The following ADGRL3 variants were observed in gnomAD, a reference collection of about 807,000 sequenced individuals.
ADGRL3 encodes calcium-independent alpha-latrotoxin receptor 3.
ADGRL3 carries 62 observed loss-of-function variants against 153.5 expected under a neutral mutation model. That is an observed-to-expected ratio of 0.40 (90% CI 0.33 to 0.50). ADGRL3 has a LOEUF of 0.50. Among genes scored for constraint, ADGRL3 ranks in the 20% least tolerant of loss-of-function variants. ADGRL3 has a pLI of 0.47. For missense variants in ADGRL3, 1,641 were observed against 1,859.4 expected (o/e 0.88, Z 2.16); for synonymous variants, 710 against 672.5 (o/e 1.06, Z -0.86).
At chr4:61,887,031 A>T (rs191977424) in intron 9 of ADGRL3, among the ~76,000 whole-genome samples, 2,255 of 149,932 alleles carry the variant, frequency 0.015, 50 homozygotes, top group African/African-American at 0.053. Flanking sequence ...TTATTTATTT[A>T]TTTTTTTATT....
intron 4 of ADGRL3, among the ~76,000 whole-genome samples, chr4:61,574,159 C>A (rs1450968310): frequency 6.6e-6 from 1 of 152,040 alleles, no homozygotes; most frequent in Admixed American, 6.6e-5. Flanking sequence ...AAGAGTGCAA[C>A]TCCATCAGAC....
At chr4:61,994,892 A>C (rs2099116437) in intron 19 of ADGRL3, among the ~76,000 whole-genome samples, 2 of 150,898 alleles carry the variant, frequency 1.3e-5, no homozygotes. Flanking sequence ...TCTGTCCCGT[A>C]CTTTTTTACT....
chr4:61,661,184 A>G (rs1012986828), intron 5 of ADGRL3, among the ~76,000 whole-genome samples: 2 of 152,030 alleles, frequency 1.3e-5, no homozygotes, highest in African/African-American at 4.8e-5. Context: ...TATCTAACCT[A>G]TTTGCTTTAG....
At chr4:61,461,133 C>T (rs2097809712) in intron 2 of ADGRL3, among the ~76,000 whole-genome samples, 1 of 152,020 alleles carries the variant, frequency 6.6e-6, no homozygotes, top group Non-Finnish European at 1.5e-5. Context: ...ACCACGAGAA[C>T]AGTATTGGAA....
rs117276106 is a variant in ADGRL3, at chr4:61,417,259, G to A, written c.-174+34070G>A. Among the ~76,000 whole-genome samples, 324 of 152,092 alleles carry A rather than the reference G, an allele frequency of 2.1e-3. 12 individuals carry two copies. In the East Asian group the frequency reaches 0.05, roughly 23 times the overall value. On this transcript the variant is annotated intron_variant, in intron 2 of 26. Transcript: ENST00000683033. The stretch of plus-strand genomic sequence containing the variant: ...CTGTAATCCCAGCACTTTGGGAGGC[G>A]GGCAGATCACTTGATCCCAGGAGTT...
At chr4:61,880,059 G>A (rs2098500343) in intron 9 of ADGRL3, among the ~76,000 whole-genome samples, 1 of 152,068 alleles carries the variant, frequency 6.6e-6, no homozygotes, top group Non-Finnish European at 1.5e-5. Context: ...GGGTAGGCTT[G>A]GTTGGCCATA....
chr4:61,615,683 A>G (rs893358516), intron 5 of ADGRL3, among the ~76,000 whole-genome samples: 4 of 151,986 alleles, frequency 2.6e-5, no homozygotes, highest in Non-Finnish European at 5.9e-5. Context: ...TAGAAGGTAA[A>G]GAGACCGCCT....
rs1404720502 is a variant in ADGRL3, at chr4:61,694,223, G to A, written c.583+17288G>A. On this transcript the variant is annotated intron_variant, in intron 6 of 26. Coordinates refer to ENST00000683033, the MANE Select transcript of ADGRL3 (RefSeq NM_001387552.1). Reference sequence around the variant, plus strand: ...TTTTTTTTTTTTTTTTTTTTTTAGAGGCAGGATCTTGCTTTGTTGCCTAGG... The same window carrying A: ...TTTTTTTTTTTTTTTTTTTTTTAGAAGCAGGATCTTGCTTTGTTGCCTAGG... Among the ~76,000 whole-genome samples, 3 of 54,732 alleles carry A rather than the reference G, an allele frequency of 5.5e-5. 1 individual carries two copies. The highest frequency in any genetic ancestry group is 7.6e-5 in the Non-Finnish European group (2 of 26,336). 35.9% of individuals were successfully genotyped at this position (54,732 alleles called of 152,430 possible). A position where few individuals can be genotyped will look rare whatever the true frequency, so the allele number is the denominator to read the frequency against.
chr4:62,031,204 T>G (rs1028190168), intron 22 of ADGRL3, among the ~76,000 whole-genome samples: 6 of 151,614 alleles, frequency 4.0e-5, no homozygotes, highest in African/African-American at 1.4e-4. Flanking sequence ...ATGGTACAAA[T>G]CTGCTTTTGC....
At chr4:62,057,646 A>G (rs1370428791) in intron 25 of ADGRL3, among the ~76,000 whole-genome samples, 1 of 152,072 alleles carries the variant, frequency 6.6e-6, no homozygotes, top group East Asian at 1.9e-4. Context: ...ATTGACAACC[A>G]TGGTAATGAT....
chr4:62,024,589 A>T (rs1011953593), intron 21 of ADGRL3, among the ~76,000 whole-genome samples: 3 of 152,094 alleles, frequency 2.0e-5, no homozygotes, highest in African/African-American at 7.2e-5. Flanking sequence ...TTTATTTATG[A>T]CCATAGAGAA....
chr4:61,324,951 C>A (rs951192129), intron 1 of ADGRL3, among the ~76,000 whole-genome samples: 5 of 152,086 alleles, frequency 3.3e-5, no homozygotes, highest in Admixed American at 2.6e-4. Flanking sequence ...TATTAAAGCA[C>A]CAAATACTAT....
chr4:61,683,805 C>G (rs944184931), intron 6 of ADGRL3, among the ~76,000 whole-genome samples: 1 of 152,086 alleles, frequency 6.6e-6, no homozygotes, highest in South Asian at 2.1e-4. Context: ...TCTGCCTAGG[C>G]ATTTGCCTGC....
At chr4:61,746,422 C>A (rs1333490517) in intron 8 of ADGRL3, among the ~76,000 whole-genome samples, 8 of 152,178 alleles carry the variant, frequency 5.3e-5, no homozygotes, top group South Asian at 2.1e-4. Context: ...CAGCACAAAA[C>A]CACACCTATT....
At chr4:61,934,112 T>C (rs2150134786) in intron 13 of ADGRL3, among the ~76,000 whole-genome samples, 1 of 152,266 alleles carries the variant, frequency 6.6e-6, no homozygotes, top group Admixed American at 6.5e-5. Context: ...GATGAAGCAA[T>C]GAGAATTGTA....
At chr4:62,068,795 T>C (rs1744361493) in intron 26 of ADGRL3, among the ~76,000 whole-genome samples, 1 of 152,164 alleles carries the variant, frequency 6.6e-6, no homozygotes, top group African/African-American at 2.4e-5. Context: ...TTAATACAAT[T>C]TATGCATTGC....
At chr4:61,750,855 C>G (rs923207040) in intron 8 of ADGRL3, among the ~76,000 whole-genome samples, 1 of 149,264 alleles carries the variant, frequency 6.7e-6, no homozygotes, top group South Asian at 2.1e-4. Flanking sequence ...TGCAAGGCAA[C>G]AAGGACATGT....
intron 4 of ADGRL3, among the ~76,000 whole-genome samples, chr4:61,542,080 T>G (rs1179483645): frequency 1.3e-5 from 2 of 152,182 alleles, no homozygotes; most frequent in Non-Finnish European, 2.9e-5. Flanking sequence ...GTTAACTATA[T>G]AGATTTTTAG....
intron 8 of ADGRL3, among the ~76,000 whole-genome samples, chr4:61,762,472 A>G (rs1351436822): frequency 4.6e-5 from 7 of 152,152 alleles, no homozygotes; most frequent in Non-Finnish European, 7.4e-5. Flanking sequence ...CAAAAAGACT[A>G]TTTAAATTTG....
Sources: allele counts gnomAD v4.1 joint callset (sites outside exome capture counted in the v4.1 genomes callset), GRCh38; gene constraint gnomAD v4.1.1; transcripts MANE v1.5; gene names NCBI Gene and HGNC (gene_info 2026-07-23, HGNC 2026-07-21).